ARNT2: variants seen among roughly 807,000 people sequenced by gnomAD.
ARNT2 encodes the protein aryl hydrocarbon receptor nuclear translocator 2, also known as ARNT protein 2.
ARNT2 carries 36 observed loss-of-function variants against 91.7 expected under a neutral mutation model. The observed-to-expected ratio is 0.39, with a 90% confidence interval of 0.30 to 0.52. The LOEUF (loss-of-function observed/expected upper bound fraction) is 0.52, where lower values mean the gene tolerates loss of function less well. ARNT2 is among the 20% of genes least tolerant of loss of function. ARNT2 has a pLI of 0.72. For missense variants in ARNT2, 775 were observed against 939.3 expected, an observed-to-expected ratio of 0.83 and a Z score of 2.29; for synonymous variants, 365 against 347.1, an observed-to-expected ratio of 1.05 and a Z score of -0.57.
intron 1 of ARNT2, among the ~76,000 whole-genome samples, chr15:80,421,477 A>T (rs1895861165): frequency 6.6e-6 from 1 of 152,150 alleles, no homozygotes; most frequent in Admixed American, 6.5e-5. Context: ...TGTCATCACA[A>T]TATTAAAATC....
At chr15:80,584,356 G>A (rs1174475043) in intron 17 of ARNT2, among the ~76,000 whole-genome samples, 2 of 152,150 alleles carry the variant, frequency 1.3e-5, no homozygotes, top group Non-Finnish European at 2.9e-5. Flanking sequence ...TCAAGGAAGT[G>A]GAGTGCTGGC....
intron 17 of ARNT2, among the ~76,000 whole-genome samples, chr15:80,588,136 G>T (rs2141486590): frequency 6.6e-6 from 1 of 152,132 alleles, no homozygotes; most frequent in East Asian, 1.9e-4. Context: ...GTATTTAGGG[G>T]AGTGGGAACT....
intron 1 of ARNT2, among the ~76,000 whole-genome samples, chr15:80,423,410 G>A (rs1008598406): frequency 1.3e-5 from 2 of 152,138 alleles, no homozygotes; most frequent in Non-Finnish European, 2.9e-5. Context: ...CTTACACTGG[G>A]AACGCTCACT....
intron 1 of ARNT2, chr15:80,444,570 GGT>G (rs1413629953): frequency 6.6e-6 from 1 of 152,670 alleles, no homozygotes; most frequent in Non-Finnish European, 1.5e-5. Context: ...TGTTGTGTGT[GGT>G]GTGTGGGGGT....
chr15:80,570,762 G>A (rs1025970711), intron 12 of ARNT2, among the ~76,000 whole-genome samples: 8 of 148,090 alleles, frequency 5.4e-5, no homozygotes, highest in African/African-American at 8.0e-5. Context: ...GCTTGCCCAC[G>A]CCTGTCTTTC....
intron 1 of ARNT2, among the ~76,000 whole-genome samples, chr15:80,416,625 TTTTTG>T (rs1212103731): frequency 7.2e-6 from 1 of 139,814 alleles, no homozygotes; most frequent in African/African-American, 2.5e-5. Context: ...TTCTCAGTTT[TTTTTG>T]TTTGTTTGTT....
intron 5 of ARNT2, among the ~76,000 whole-genome samples, chr15:80,486,874 G>A (rs1365542349): frequency 1.3e-5 from 2 of 152,214 alleles, no homozygotes; most frequent in African/African-American, 4.8e-5. Flanking sequence ...TAGGCATGGA[G>A]CCCATTCAGA....
chr15:80,514,295 C>T lies in ARNT2; in HGVS notation c.792-25C>T, dbSNP rs1248881018. On this transcript the variant is annotated intron_variant, in intron 7 of 18. Coordinates refer to ENST00000303329, the MANE Select transcript of ARNT2 (RefSeq NM_014862.4). ...TTGCCTCACCCTCATGTGATGAAAA[C>T]AATTTCACAAATGTTCTTTTTTAGG... 3.7e-6 allele frequency: 6 copies of T among 1,612,470 alleles called. No individual in the cohort carries two copies. In the Admixed American group the frequency reaches 1.0e-4, roughly 27 times the overall value.
Position 80,412,178 on chromosome 15 carries a change from AT to A in ARNT2, c.31+7639del, listed in dbSNP as rs1011233540. Among the ~76,000 whole-genome samples the A allele has an allele frequency of 7.9e-5, 12 of 152,238 alleles. No homozygotes were observed. The South Asian group carries it at 2.1e-3, about 26-fold the overall frequency. On this transcript the variant is annotated intron_variant, in intron 1 of 18. Coordinates refer to ENST00000303329, the MANE Select transcript of ARNT2 (RefSeq NM_014862.4). Reference sequence around the variant, plus strand: ...CTGCCAAGTCTATAACAATTTGACCATTTTTTTCAGGGAAATCTACAAAAAT... The same window carrying A: ...CTGCCAAGTCTATAACAATTTGACCATTTTTTCAGGGAAATCTACAAAAAT...
intron 15 of ARNT2, among the ~76,000 whole-genome samples, chr15:80,578,342 G>A (rs1179633672): frequency 6.6e-6 from 1 of 152,096 alleles, no homozygotes; most frequent in Admixed American, 6.5e-5. Context: ...TGAGGGGTGT[G>A]CTGAGTGAAG....
chr15:80,445,173 G>T (rs985940384), intron 1 of ARNT2: 1 of 151,300 alleles, frequency 6.6e-6, no homozygotes, highest in African/African-American at 2.4e-5. Flanking sequence ...GATGTGAGTG[G>T]TGTACGCAGG....
chr15:80,588,418 CT>C (rs1893216070), intron 17 of ARNT2, among the ~76,000 whole-genome samples: 1 of 152,090 alleles, frequency 6.6e-6, no homozygotes, highest in Non-Finnish European at 1.5e-5. Context: ...CGGTTGGTCT[CT>C]TTCCCTCTCT....
chr15:80,437,352 T>C (rs1347568760), intron 1 of ARNT2, among the ~76,000 whole-genome samples: 1 of 152,198 alleles, frequency 6.6e-6, no homozygotes, highest in African/African-American at 2.4e-5. Context: ...ACCCACTCCA[T>C]CTCTCTTATC....
rs536242249 is a variant in ARNT2 at position 80,447,786 on chromosome 15, A to G, written c.32-3094A>G. On this transcript the variant is annotated intron_variant, in intron 1 of 18. Coordinates refer to ENST00000303329, the MANE Select transcript of ARNT2 (RefSeq NM_014862.4). ...TTAAGGGTGGCTCCTAAAAATCAAT[A>G]TTAGAGAAAATATTTTATCTTTAAA... 1.2e-3 allele frequency among the ~76,000 whole-genome samples: 185 copies of G among 152,352 alleles called. 6 individuals are homozygous for G. Among genetic ancestry groups the G allele is most frequent in the Admixed American group, 8.5e-4 (13 of 15,306 alleles).
chr15:80,493,933 C>A (rs907624861), intron 5 of ARNT2, among the ~76,000 whole-genome samples: 3 of 152,036 alleles, frequency 2.0e-5, no homozygotes, highest in Non-Finnish European at 4.4e-5. Flanking sequence ...AAGAGCATGG[C>A]ACCCCTCCTT....
rs547047988 is a variant in ARNT2 at position 80,595,601 on chromosome 15, G to C, written c.*1903G>C. On this transcript the variant is annotated 3_prime_UTR_variant, in exon 19 of 19. Transcript: ENST00000303329. The stretch of plus-strand genomic sequence containing the variant: ...GTAAAATGCCTTTGGCTGGTCGCCA[G>C]CTGTGCATGACTGCAGTTCCTAGAC... The C allele has an allele frequency of 1.3e-5, 2 of 152,410 alleles. No homozygotes were observed. The highest frequency in any genetic ancestry group is 4.8e-5 in the African/African-American group (2 of 41,598). 9.4% of individuals were successfully genotyped at this position (152,410 alleles called of 1,614,324 possible).
At chr15:80,521,362 G>T (rs1897543004) in intron 8 of ARNT2, among the ~76,000 whole-genome samples, 1 of 151,982 alleles carries the variant, frequency 6.6e-6, no homozygotes, top group Non-Finnish European at 1.5e-5. Context: ...ATAAAAAATT[G>T]TGGTACACAA....
At chr15:80,477,153 T>G (rs1896819194) in intron 5 of ARNT2, among the ~76,000 whole-genome samples, 1 of 152,248 alleles carries the variant, frequency 6.6e-6, no homozygotes, top group South Asian at 2.1e-4. Flanking sequence ...ATCAGCATCA[T>G]GCTTTTTGTA....
At position 80,597,187 on chromosome 15, in the gene ARNT2, AGT is replaced by A. The variant is rs748904896; in HGVS notation, c.*3490_*3491del. ...TCTAGCTTTAGCCGAGAAAGAAACC[AGT>A]CCCAGGGAATGAATGGTGGTCTCCC... On this transcript the variant is annotated 3_prime_UTR_variant, in exon 19 of 19. Transcript: ENST00000303329. 1.9e-6 allele frequency: 1 copy of A among 518,668 alleles called. No individual in the cohort carries two copies. 32.1% of individuals were successfully genotyped at this position (518,668 alleles called of 1,614,324 possible).
Sources: allele counts gnomAD v4.1 joint callset (sites outside exome capture counted in the v4.1 genomes callset), GRCh38; gene constraint gnomAD v4.1.1; transcripts MANE v1.5; gene names NCBI Gene and HGNC (gene_info 2026-07-23, HGNC 2026-07-21).